The following USP12 variants were observed in gnomAD, a reference collection of about 807,000 sequenced individuals.
USP12 encodes ubiquitin specific peptidase 12.
USP12 carries 19 observed loss-of-function variants against 45.5 expected under a neutral mutation model. The observed-to-expected ratio is 0.42, with a 90% confidence interval of 0.29 to 0.61. The LOEUF is 0.61. Among genes scored for constraint, USP12 ranks in the 20% least tolerant of loss-of-function variants. The probability of loss-of-function intolerance (pLI) is 0.22; values close to 1 mark genes in which losing one functional copy is unlikely to be tolerated. For synonymous variants in USP12, 149 were observed against 148.8 expected (o/e 1.00, Z -0.01); for missense variants, 242 against 447.7 (o/e 0.54, Z 4.15).
chr13:27,078,154 T>C (rs4771070), intron 6 of USP12, among the ~76,000 whole-genome samples: 54,077 of 151,812 alleles, frequency 0.36, 10,503 homozygotes, highest in South Asian at 0.61. Context: ...GCCCTCCATA[T>C]TGGGAGTTCC....
In USP12 at chr13:27,106,212, G is replaced by A. The variant is rs541823739; in HGVS notation, c.130-268C>T. On this transcript the variant is annotated intron_variant, in intron 2 of 8. Transcript: ENST00000282344. Reference sequence around the variant, plus strand: ...TAAAAAAAACAAGATCCCCTGAAACGTTACATGAAAAAGTCACCAGTATGA... The same window carrying A: ...TAAAAAAAACAAGATCCCCTGAAACATTACATGAAAAAGTCACCAGTATGA... Among the ~76,000 whole-genome samples the A allele has an allele frequency of 1.3e-4, 20 of 152,126 alleles. No individual in the cohort carries two copies. In the East Asian group the frequency reaches 3.5e-3, roughly 26 times the overall value.
At chr13:27,133,472 A>T (rs1876609313) in intron 1 of USP12, among the ~76,000 whole-genome samples, 1 of 152,202 alleles carries the variant, frequency 6.6e-6, no homozygotes, top group East Asian at 1.9e-4. Flanking sequence ...ACTAAAAAAT[A>T]CAAAAATTAG....
chr13:27,089,540 G>C (rs1459701004), intron 6 of USP12: 1 of 182,216 alleles, frequency 5.5e-6, no homozygotes, highest in Non-Finnish European at 1.2e-5. Flanking sequence ...TGGGGGTGTG[G>C]GGGATGGGCA....
chr13:27,138,321 G>C (rs1033860536), intron 1 of USP12, among the ~76,000 whole-genome samples: 7 of 152,144 alleles, frequency 4.6e-5, no homozygotes, highest in African/African-American at 1.7e-4. Context: ...TTCTCAGAAA[G>C]AAAAATTTAA....
intron 1 of USP12, among the ~76,000 whole-genome samples, chr13:27,144,160 C>T (rs1877198102): frequency 6.6e-6 from 1 of 152,020 alleles, no homozygotes; most frequent in Admixed American, 6.6e-5. Context: ...GACTGCACCA[C>T]TGCACTCCAG....
chr13:27,163,586 A>T (rs937735665), intron 1 of USP12, among the ~76,000 whole-genome samples: 6 of 151,892 alleles, frequency 4.0e-5, no homozygotes, highest in Admixed American at 2.0e-4. Flanking sequence ...TACTGTAAGT[A>T]GAGCTGGTTT....
intron 3 of USP12, among the ~76,000 whole-genome samples, chr13:27,097,408 T>G (rs543926926): frequency 5.1e-4 from 78 of 152,314 alleles, no homozygotes; most frequent in African/African-American, 1.8e-3. Context: ...GAGGTTGCAG[T>G]GAGCCGAGAT....
chr13:27,084,853 T>C (rs1197965501), intron 6 of USP12, among the ~76,000 whole-genome samples: 2 of 152,204 alleles, frequency 1.3e-5, no homozygotes, highest in African/African-American at 4.8e-5. Context: ...TCTCTCAAGA[T>C]TATTCAACTA....
intron 1 of USP12, among the ~76,000 whole-genome samples, chr13:27,161,261 G>A (rs1028552897): frequency 2.0e-5 from 3 of 152,142 alleles, no homozygotes; most frequent in African/African-American, 7.2e-5. Context: ...TTTCTTCAAA[G>A]TTATAACGGC....
chr13:27,075,490 A>T, intron 6 of USP12, 102 bp from the exon 7 acceptor site: 1 of 1,047,940 alleles, frequency 9.5e-7, no homozygotes, highest in Non-Finnish European at 1.4e-6. Context: ...GACAATGGTC[A>T]GTTTTAATAG....
At chr13:27,135,035 A>C (rs950850007) in intron 1 of USP12, among the ~76,000 whole-genome samples, 7 of 152,240 alleles carry the variant, frequency 4.6e-5, no homozygotes, top group African/African-American at 1.4e-4. Context: ...CTGCAATCCC[A>C]GCACTTTGGG....
chr13:27,113,880 T>C (rs1453662034), intron 2 of USP12, among the ~76,000 whole-genome samples: 2 of 152,162 alleles, frequency 1.3e-5, no homozygotes, highest in East Asian at 1.9e-4. Flanking sequence ...CAAGAGACAT[T>C]TGCCTAATGA....
At chr13:27,113,572 T>C (rs1199714091) in intron 2 of USP12, among the ~76,000 whole-genome samples, 3 of 152,232 alleles carry the variant, frequency 2.0e-5, no homozygotes, top group Non-Finnish European at 4.4e-5. Context: ...CATACTCCAA[T>C]GGACGTCAGT....
chr13:27,141,012 CTT>C (rs11455614), intron 1 of USP12, among the ~76,000 whole-genome samples: 7 of 122,566 alleles, frequency 5.7e-5, no homozygotes, highest in African/African-American at 1.2e-4. Context: ...TGTGAAGTCA[CTT>C]TTTTTTTTTT....
intron 1 of USP12, among the ~76,000 whole-genome samples, chr13:27,120,844 A>C (rs989818993): frequency 2.0e-5 from 3 of 152,308 alleles, no homozygotes; most frequent in South Asian, 4.1e-4. Context: ...AACAACCAAA[A>C]GATGGGTGAA....
rs79330334 is a variant in USP12, at chr13:27,140,394, T to C, written c.49-23798A>G. 5.1e-3 allele frequency among the ~76,000 whole-genome samples: 777 copies of C among 152,330 alleles called. 21 individuals are homozygous for C. The East Asian group carries it at 0.062, about 12-fold the overall frequency. ...TCAGCACAGTTATGAAAACACACAG[T>C]CAAAACTTTTAGAATATGAAATCTT... On this transcript the variant is annotated intron_variant, in intron 1 of 8. Coordinates refer to ENST00000282344, the MANE Select transcript of USP12 (RefSeq NM_182488.4).
chr13:27,095,585 T>C lies in USP12; in HGVS notation c.573+16A>G, dbSNP rs142054250. On this transcript the variant is annotated intron_variant, in intron 4 of 8. Coordinates refer to ENST00000282344, the MANE Select transcript of USP12 (RefSeq NM_182488.4). ...AATTCAATTTTTCTCTATACAAAAT[T>C]GTATGATATACTTACAGTTTCACAA... is the stretch of plus-strand genomic sequence containing the variant. 2.3e-5 allele frequency: 35 copies of C among 1,547,448 alleles called. No homozygotes were observed. In the Middle Eastern group the frequency reaches 1.0e-3, roughly 46 times the overall value.
At chr13:27,108,666 G>T (rs184175870) in intron 2 of USP12, among the ~76,000 whole-genome samples, 1 of 152,244 alleles carries the variant, frequency 6.6e-6, no homozygotes, top group Admixed American at 6.5e-5. Flanking sequence ...AATTTAAAAT[G>T]ACATTTTAGG....
Position 27,130,561 on chromosome 13 carries a change from C to CAAA in USP12, c.49-13968_49-13966dup, listed in dbSNP as rs5802413. ...ACACAAAAAAAATCACAAAACATGC[C>CAAA]AAAAAAAAAAAAAAAGGAAAATATG... On this transcript the variant is annotated intron_variant, in intron 1 of 8. Coordinates refer to ENST00000282344, the MANE Select transcript of USP12 (RefSeq NM_182488.4). Among the ~76,000 whole-genome samples the CAAA allele has an allele frequency of 1.4e-3, 172 of 124,780 alleles. 1 individual carries two copies. Among genetic ancestry groups the CAAA allele is most frequent in the African/African-American group, 4.4e-3 (140 of 31,470 alleles). The allele number at this position is 124,780 out of a possible 152,430, so 81.9% of individuals were successfully genotyped here. A position where few individuals can be genotyped will look rare whatever the true frequency, so the allele number is the denominator to read the frequency against.
Sources: allele counts gnomAD v4.1 joint callset (sites outside exome capture counted in the v4.1 genomes callset), GRCh38; gene constraint gnomAD v4.1.1; transcripts MANE v1.5; gene names NCBI Gene and HGNC (gene_info 2026-07-23, HGNC 2026-07-21).